CUX1: variants seen among roughly 807,000 people sequenced by gnomAD.
CUX1 encodes the protein cut like homeobox 1.
A neutral mutation model predicts 158.8 loss-of-function variants in CUX1; 31 were observed. That is an observed-to-expected ratio of 0.20 (90% CI 0.15 to 0.26). The LOEUF (loss-of-function observed/expected upper bound fraction) is 0.26. CUX1 is among the 10% of genes least tolerant of loss of function. The probability of loss-of-function intolerance (pLI) is 1.00; values close to 1 mark genes in which losing one functional copy is unlikely to be tolerated. For synonymous variants in CUX1, 879 were observed against 862.1 expected, an observed-to-expected ratio of 1.02 and a Z score of -0.34; for missense variants, 1,589 against 2,014.6, an observed-to-expected ratio of 0.79 and a Z score of 4.04.
At chr7:101,861,537 C>T (rs1797455375) in intron 1 of CUX1, among the ~76,000 whole-genome samples, 1 of 151,904 alleles carries the variant, frequency 6.6e-6, no homozygotes, top group African/African-American at 2.4e-5. Context: ...TGCTGGTTGG[C>T]CCCCTGGGTG....
At chr7:102,122,023 TCA>T (rs1832100353) in intron 8 of CUX1, among the ~76,000 whole-genome samples, 1 of 152,118 alleles carries the variant, frequency 6.6e-6, no homozygotes, top group Non-Finnish European at 1.5e-5. Flanking sequence ...CATGAAAGAC[TCA>T]CAGAACTGGG....
chr7:102,189,070 A>C (rs904156666), intron 11 of CUX1, among the ~76,000 whole-genome samples: 13 of 152,118 alleles, frequency 8.5e-5, no homozygotes, highest in Non-Finnish European at 2.9e-5. Context: ...AAACCCCAGC[A>C]TCCAGGGGTT....
chr7:102,145,808 A>G (rs1157703967), intron 8 of CUX1, among the ~76,000 whole-genome samples: 4 of 152,142 alleles, frequency 2.6e-5, no homozygotes. Flanking sequence ...TTAGCTGGGC[A>G]TGGTGGCAGG....
chr7:101,883,297 CTGCCAG>C (rs1187049661), intron 1 of CUX1, among the ~76,000 whole-genome samples: 1 of 152,188 alleles, frequency 6.6e-6, no homozygotes, highest in Non-Finnish European at 1.5e-5. Context: ...CATCCCAATC[CTGCCAG>C]TGATTTCTGT....
At chr7:102,163,221 G>A (rs1027131367) in intron 9 of CUX1, among the ~76,000 whole-genome samples, 6 of 152,122 alleles carry the variant, frequency 3.9e-5, no homozygotes, top group Non-Finnish European at 8.8e-5. Flanking sequence ...TGGTGGCGGC[G>A]GTGCCTATAG....
chr7:101,903,045 C>T (rs1802330883), intron 1 of CUX1, among the ~76,000 whole-genome samples: 1 of 152,202 alleles, frequency 6.6e-6, no homozygotes, highest in Non-Finnish European at 1.5e-5. Flanking sequence ...GCATTTGTTT[C>T]AGTGGTGAGT....
At chr7:101,922,882 G>A (rs1285205199) in intron 2 of CUX1, among the ~76,000 whole-genome samples, 1 of 152,272 alleles carries the variant, frequency 6.6e-6, no homozygotes, top group African/African-American at 2.4e-5. Flanking sequence ...GGAGGGAGCA[G>A]CAGCAGCTAT....
intron 2 of CUX1, among the ~76,000 whole-genome samples, chr7:101,990,306 G>A (rs1028546786): frequency 1.3e-5 from 2 of 152,202 alleles, no homozygotes; most frequent in African/African-American, 4.8e-5. Flanking sequence ...AGGCAGTAGT[G>A]AGCTATGATT....
At chr7:102,055,082 G>A (rs547614424) in intron 3 of CUX1, among the ~76,000 whole-genome samples, 1 of 152,122 alleles carries the variant, frequency 6.6e-6, no homozygotes, top group Admixed American at 6.5e-5. Context: ...CATAAGCATT[G>A]GCCATCTTTC....
chr7:102,074,406 A>T (rs405073), intron 4 of CUX1, among the ~76,000 whole-genome samples: 127,504 of 152,218 alleles, frequency 0.84, 53,543 homozygotes, highest in East Asian at 0.99. Flanking sequence ...CCAGCCCAGG[A>T]GTGACAGGCA....
chr7:102,026,022 T>A (rs1439366819), intron 2 of CUX1, among the ~76,000 whole-genome samples: 1 of 151,930 alleles, frequency 6.6e-6, no homozygotes, highest in Non-Finnish European at 1.5e-5. Flanking sequence ...TACAAAAAAA[T>A]AAGAAAATTA....
chr7:101,942,871 C>T lies in CUX1; in HGVS notation c.141+26646C>T, dbSNP rs891050412. On this transcript the variant is annotated intron_variant, in intron 2 of 23. Coordinates refer to ENST00000292535, the MANE Select transcript of CUX1 (RefSeq NM_181552.4). ...GGTGGGAGCAGCATGGGCTTCGCTGCACACGGACCTGGGCCCAGATCTTGG... is the reference window on the plus strand; with the variant it reads ...GGTGGGAGCAGCATGGGCTTCGCTGTACACGGACCTGGGCCCAGATCTTGG... 3.3e-5 allele frequency among the ~76,000 whole-genome samples: 5 copies of T among 152,210 alleles called. 1 individual carries two copies. Among genetic ancestry groups the T allele is most frequent in the South Asian group, 2.1e-4 (1 of 4,832 alleles).
intron 3 of CUX1, among the ~76,000 whole-genome samples, chr7:102,042,378 G>A (rs1240239471): frequency 1.1e-4 from 17 of 152,092 alleles, no homozygotes; most frequent in Non-Finnish European, 1.9e-4. Flanking sequence ...CACTGGGCTC[G>A]GTTCCCTGAA....
rs544931155 is a variant in CUX1 at position 102,222,057 on chromosome 7, G to A, written c.3131-5310G>A. On this transcript the variant is annotated intron_variant, in intron 20 of 23. Coordinates refer to ENST00000292535, the MANE Select transcript of CUX1 (RefSeq NM_181552.4). Reference sequence around the variant, plus strand: ...GTGGTTCGCTGGAGCCCAGGAGTTCGAGACCAGTCTGGGCAACATAGCAAG... The same window carrying A: ...GTGGTTCGCTGGAGCCCAGGAGTTCAAGACCAGTCTGGGCAACATAGCAAG... Among the ~76,000 whole-genome samples, 51 of 152,136 alleles carry A rather than the reference G, an allele frequency of 3.4e-4. 1 individual carries two copies. In the South Asian group the frequency reaches 0.01, roughly 31 times the overall value.
chr7:101,925,002 C>T (rs2129103137), intron 2 of CUX1, among the ~76,000 whole-genome samples: 1 of 152,256 alleles, frequency 6.6e-6, no homozygotes, highest in Middle Eastern at 3.4e-3. Flanking sequence ...CTCATTAGAC[C>T]CTAAAACCAC....
rs1554519895 is a variant in CUX1 at position 102,201,856 on chromosome 7, C to A, written c.2559C>A (p.Gly853=). Residue 853 remains glycine (G), a synonymous_variant, in exon 18 of 24, where the codon GGC becomes GGA. Transcript: ENST00000292535. The surrounding 1 kb of genome is among the most constrained non-coding windows in gnomAD (Gnocchi z 5.0). ...AAACGGGCGGCGGGAAAGAGAAGGG[C>A]AGCGGTGGCAGCGGAGGTGGCAGCC... is the stretch of plus-strand genomic sequence containing the variant. The part of the protein sequence containing the change: ...AEETGGGKEK[G]SGGSGGGSQP... 8.1e-6 allele frequency: 13 copies of A among 1,613,198 alleles called. No individual in the cohort carries two copies. Among genetic ancestry groups the A allele is most frequent in the Non-Finnish European group, 1.0e-5 (12 of 1,179,878 alleles).
chr7:102,266,726 T>G (rs1318412257), intron 14 of CUX1, among the ~76,000 whole-genome samples: 1 of 151,996 alleles, frequency 6.6e-6, no homozygotes, highest in Non-Finnish European at 1.5e-5. Context: ...GGAAACTAGC[T>G]GCTAACACAG....
At chr7:102,063,785 T>C (rs1825222260) in intron 3 of CUX1, among the ~76,000 whole-genome samples, 1 of 152,196 alleles carries the variant, frequency 6.6e-6, no homozygotes, top group South Asian at 2.1e-4. Flanking sequence ...AGTTGGCCAT[T>C]GCGGAAGATA....
chr7:102,257,253 T>G lies in CUX1; in HGVS notation c.*8211T>G, dbSNP rs960322910. 2.8e-5 allele frequency: 28 copies of G among 984,880 alleles called. No individual in the cohort carries two copies. The highest frequency in any genetic ancestry group is 3.3e-5 in the Non-Finnish European group (27 of 829,880). 61.0% of individuals were successfully genotyped at this position (984,880 alleles called of 1,614,324 possible). A position where few individuals can be genotyped will look rare whatever the true frequency, so the allele number is the denominator to read the frequency against. On this transcript the variant is annotated 3_prime_UTR_variant, in exon 24 of 24. Coordinates refer to ENST00000292535, the MANE Select transcript of CUX1 (RefSeq NM_181552.4). ...ATTGCCGGGGGCCCTGATTTTGTTCTCTCTTTGAAAGAAACCCTCCACCGA... is the reference window on the plus strand; with the variant it reads ...ATTGCCGGGGGCCCTGATTTTGTTCGCTCTTTGAAAGAAACCCTCCACCGA...
Sources: gnomAD v4.1 joint callset for allele counts (sites outside exome capture counted in the v4.1 genomes callset) on GRCh38, gnomAD v4.1.1 for gene constraint, Gnocchi (gnomAD v3.1) non-coding constraint, MANE v1.5 for transcripts, NCBI Gene and HGNC (gene_info 2026-07-23, HGNC 2026-07-21) for gene names.